LYPD6: variants seen among roughly 807,000 people sequenced by gnomAD.
LYPD6 encodes ly6/PLAUR domain-containing protein 6.
In LYPD6, 15 loss-of-function variants were observed where a neutral mutation model predicts 22.7. That is an observed-to-expected ratio of 0.66 (90% CI 0.44 to 1.02). The LOEUF is 1.02. LYPD6 is among the 50% of genes least tolerant of loss of function. The pLI is 0.00. For synonymous variants in LYPD6, 72 were observed against 77.5 expected (o/e 0.93, Z 0.37); for missense variants, 189 against 208.4 (o/e 0.91, Z 0.57).
intron 1 of LYPD6, among the ~76,000 whole-genome samples, chr2:149,413,094 T>C (rs1278937553): frequency 6.6e-6 from 1 of 152,198 alleles, no homozygotes; most frequent in Non-Finnish European, 1.5e-5. Context: ...TTCTTGACTT[T>C]ATAAAGGATC....
Position 149,468,671 on chromosome 2 carries a change from A to C in LYPD6, c.244A>C (p.Thr82Pro), listed in dbSNP as rs774493862. ...GACCAGATACTGCTACACTCAGCACACAATGGAAGTCACAGGAAACAGTAT... is the reference window on the plus strand; with the variant it reads ...GACCAGATACTGCTACACTCAGCACCCAATGGAAGTCACAGGAAACAGTAT... ...RETRYCYTQH[T>P]MEVTGNSISV... Residue 82 changes from threonine to proline, a missense_variant, in exon 4 of 5, where the codon ACA becomes CCA. Transcript: ENST00000334166. The C allele has an allele frequency of 6.2e-7, 1 of 1,613,668 alleles. No individual in the cohort carries two copies. Among genetic ancestry groups the C allele is most frequent in the South Asian group, 1.1e-5 (1 of 91,078 alleles).
intron 1 of LYPD6, among the ~76,000 whole-genome samples, chr2:149,399,945 A>G (rs1682515652): frequency 6.6e-6 from 1 of 152,186 alleles, no homozygotes; most frequent in Non-Finnish European, 1.5e-5. Flanking sequence ...TAAGAAAAAC[A>G]CAGCATTGGC....
intron 1 of LYPD6, among the ~76,000 whole-genome samples, chr2:149,371,324 T>C (rs1399742904): frequency 2.6e-5 from 4 of 152,240 alleles, no homozygotes; most frequent in Non-Finnish European, 5.9e-5. Flanking sequence ...CCAGAAGACC[T>C]GGAAGGTTTT....
chr2:149,358,177 CTATAAATGGAT>C (rs1681482285), intron 1 of LYPD6, among the ~76,000 whole-genome samples: 1 of 152,080 alleles, frequency 6.6e-6, no homozygotes, highest in Non-Finnish European at 1.5e-5. Context: ...TTTTCTGGAC[CTATAAATGGAT>C]TTTGAAGATA....
chr2:149,430,077 T>C (rs1182893421), intron 1 of LYPD6, among the ~76,000 whole-genome samples: 1 of 152,168 alleles, frequency 6.6e-6, no homozygotes, highest in Admixed American at 6.5e-5. Flanking sequence ...AATGGAGACA[T>C]GTGAAAGAAT....
intron 1 of LYPD6, among the ~76,000 whole-genome samples, chr2:149,432,727 C>T (rs534885830): frequency 6.6e-6 from 1 of 152,324 alleles, no homozygotes; most frequent in African/African-American, 2.4e-5. Context: ...TTCCCCCTTT[C>T]CCTCATTGTC....
At chr2:149,484,554 C>CG in the LYPD6 span, among the ~76,000 whole-genome samples, 8 of 151,780 alleles carry the variant, frequency 5.3e-5, no homozygotes, top group East Asian at 7.7e-4. Context: ...CATAGCTACC[C>CG]CCGTAGTCCA....
intron 1 of LYPD6, among the ~76,000 whole-genome samples, chr2:149,396,174 C>T (rs1682424751): frequency 2.0e-5 from 3 of 152,058 alleles, no homozygotes. Context: ...ATTTAAATAA[C>T]ATTTCTTTCC....
chr2:149,419,841 TG>T (rs1683041396), intron 1 of LYPD6, among the ~76,000 whole-genome samples: 1 of 152,114 alleles, frequency 6.6e-6, no homozygotes, highest in Non-Finnish European at 1.5e-5. Context: ...TGTGTGTGTG[TG>T]TGTGTGTGTC....
chr2:149,383,734 C>T (rs753400689), intron 1 of LYPD6, among the ~76,000 whole-genome samples: 1 of 152,096 alleles, frequency 6.6e-6, no homozygotes, highest in Non-Finnish European at 1.5e-5. Flanking sequence ...AGCATTGGTC[C>T]ATTTGCTTTT....
At chr2:149,431,201 A>C (rs1478093428) in intron 1 of LYPD6, among the ~76,000 whole-genome samples, 3 of 152,238 alleles carry the variant, frequency 2.0e-5, no homozygotes, top group African/African-American at 2.4e-5. Context: ...GTACTTCTTC[A>C]TAAAGAGAAC....
chr2:149,381,799 T>TA (rs1489733885), intron 1 of LYPD6, among the ~76,000 whole-genome samples: 1 of 152,236 alleles, frequency 6.6e-6, no homozygotes, highest in Non-Finnish European at 1.5e-5. Context: ...TTGGGTGTTC[T>TA]AAAATCACAC....
At chr2:149,374,079 A>AT (rs879905703) in intron 1 of LYPD6, among the ~76,000 whole-genome samples, 6 of 152,098 alleles carry the variant, frequency 3.9e-5, no homozygotes, top group Admixed American at 2.6e-4. Flanking sequence ...GGAAATTTAG[A>AT]TTTTGTCTAG....
intron 1 of LYPD6, among the ~76,000 whole-genome samples, chr2:149,342,750 A>G (rs1318104324): frequency 2.6e-5 from 4 of 152,202 alleles, no homozygotes; most frequent in Non-Finnish European, 5.9e-5. Flanking sequence ...TTAGAATCAC[A>G]GCCAACTGGC....
At chr2:149,480,199 A>G in the LYPD6 span, among the ~76,000 whole-genome samples, 1 of 152,068 alleles carries the variant, frequency 6.6e-6, no homozygotes, top group African/African-American at 2.4e-5. Context: ...TAGTAGAGAC[A>G]GGGTTTCACC....
chr2:149,452,814 C>G (rs537260304), intron 3 of LYPD6, among the ~76,000 whole-genome samples: 2 of 152,228 alleles, frequency 1.3e-5, no homozygotes, highest in East Asian at 3.9e-4. Flanking sequence ...TATTGTTTGG[C>G]CAAGTAAGTG....
chr2:149,453,751 G>A (rs2105167056), intron 3 of LYPD6, among the ~76,000 whole-genome samples: 1 of 152,306 alleles, frequency 6.6e-6, no homozygotes, highest in South Asian at 2.1e-4. Flanking sequence ...ACTTTTTTCA[G>A]ACATAGCCCA....
intron 1 of LYPD6, among the ~76,000 whole-genome samples, chr2:149,378,418 C>T (rs1024401057): frequency 7.9e-5 from 12 of 152,132 alleles, no homozygotes; most frequent in Admixed American, 4.6e-4. Flanking sequence ...GGGCTTGGCC[C>T]GATTAAACTT....
At chr2:149,419,656 A>T (rs2105131085) in intron 1 of LYPD6, among the ~76,000 whole-genome samples, 1 of 152,224 alleles carries the variant, frequency 6.6e-6, no homozygotes, top group Middle Eastern at 3.4e-3. Flanking sequence ...ATTTATCCTC[A>T]CTACCTGCGT....
Sources: gnomAD v4.1 joint callset for allele counts (sites outside exome capture counted in the v4.1 genomes callset) on GRCh38, gnomAD v4.1.1 for gene constraint, MANE v1.5 for transcripts, NCBI Gene and HGNC (gene_info 2026-07-23, HGNC 2026-07-21) for gene names.